Variants in SIPA1L1 observed in about 807,000 individuals in gnomAD.
The protein encoded by SIPA1L1 is signal induced proliferation associated 1 like 1.
SIPA1L1 carries 26 observed loss-of-function variants against 162.7 expected under a neutral mutation model. The observed-to-expected ratio is 0.16, with a 90% CI of 0.12 to 0.22. The LOEUF (loss-of-function observed/expected upper bound fraction) is 0.22. SIPA1L1 is among the 10% of genes least tolerant of loss of function. The pLI is 1.00. For synonymous variants in SIPA1L1, 829 were observed against 837.4 expected, an observed-to-expected ratio of 0.99 and a Z score of 0.17; for missense variants, 1,874 against 2,241.0, an observed-to-expected ratio of 0.84 and a Z score of 3.31.
intron 10 of SIPA1L1, among the ~76,000 whole-genome samples, chr14:71,669,270 T>C (rs1484540950): frequency 6.6e-6 from 1 of 152,204 alleles, no homozygotes; most frequent in Non-Finnish European, 1.5e-5. Flanking sequence ...AGGTTTTCAG[T>C]GTATGTTTGT....
At chr14:71,401,252 T>G (rs894947808) in intron 2 of SIPA1L1, among the ~76,000 whole-genome samples, 4 of 152,208 alleles carry the variant, frequency 2.6e-5, no homozygotes, top group Non-Finnish European at 4.4e-5. Context: ...GTGCTGTAGT[T>G]TCCAAGGGTG....
chr14:71,399,962 C>T (rs1302858774), intron 2 of SIPA1L1, among the ~76,000 whole-genome samples: 1 of 151,962 alleles, frequency 6.6e-6, no homozygotes, highest in Non-Finnish European at 1.5e-5. Flanking sequence ...CCCAAGTGAT[C>T]CACCCGCCTC....
chr14:71,358,195 G>A (rs2037456303), intron 2 of SIPA1L1, among the ~76,000 whole-genome samples: 1 of 152,180 alleles, frequency 6.6e-6, no homozygotes, highest in South Asian at 2.1e-4. Context: ...CAAATGAATA[G>A]TGGGACATTT....
intron 2 of SIPA1L1, among the ~76,000 whole-genome samples, chr14:71,445,863 T>C (rs1006900408): frequency 1.4e-4 from 21 of 152,198 alleles, no homozygotes; most frequent in African/African-American, 4.6e-4. Flanking sequence ...ATTTTATTTT[T>C]ATGGAGACAG....
At chr14:71,577,730 C>CTTTTT (rs5809525) in intron 4 of SIPA1L1, among the ~76,000 whole-genome samples, 10 of 97,142 alleles carry the variant, frequency 1.0e-4, no homozygotes, top group Non-Finnish European at 1.5e-4. Flanking sequence ...TTGGGCATGC[C>CTTTTT]TTTTTTTTTT....
At chr14:71,499,282 G>GT (rs1354292296) in intron 2 of SIPA1L1, among the ~76,000 whole-genome samples, 1 of 152,200 alleles carries the variant, frequency 6.6e-6, no homozygotes, top group Non-Finnish European at 1.5e-5. Flanking sequence ...GGTTGAGGCT[G>GT]TAGTGGGCTA....
intron 12 of SIPA1L1, among the ~76,000 whole-genome samples, chr14:71,681,722 T>C (rs539580147): frequency 9.8e-5 from 15 of 152,346 alleles, no homozygotes; most frequent in African/African-American, 3.6e-4. Flanking sequence ...ATAAAACTTT[T>C]CTGACTCGTG....
chr14:71,358,114 G>C (rs2037449645), intron 2 of SIPA1L1, among the ~76,000 whole-genome samples: 1 of 151,998 alleles, frequency 6.6e-6, no homozygotes, highest in South Asian at 2.1e-4. Context: ...TACCTGCCTG[G>C]ACCTCCCAAA....
intron 5 of SIPA1L1, among the ~76,000 whole-genome samples, chr14:71,595,453 A>G (rs1299339030): frequency 6.6e-6 from 1 of 152,174 alleles, no homozygotes; most frequent in African/African-American, 2.4e-5. Context: ...CCAGAACCAA[A>G]TTTGATGCTC....
chr14:71,675,832 G>C (rs1295992932), intron 12 of SIPA1L1, among the ~76,000 whole-genome samples: 1 of 152,096 alleles, frequency 6.6e-6, no homozygotes, highest in African/African-American at 2.4e-5. Context: ...AAGGGGGTGC[G>C]GGAGGTGATG....
rs186978267 is a variant in SIPA1L1, at chr14:71,438,089, C to T, written c.-464-74654C>T. The stretch of plus-strand genomic sequence containing the variant: ...GATGTGAAACCTTTTAGAAGTGGTT[C>T]ATAGCCCATGCTGTGCACTTTTAAT... On this transcript the variant is annotated intron_variant, in intron 2 of 23. Transcript: ENST00000381232. Among the ~76,000 whole-genome samples the T allele has an allele frequency of 1.8e-4, 28 of 152,298 alleles. No individual in the cohort carries two copies. The East Asian group carries it at 5.4e-3, about 29-fold the overall frequency.
intron 2 of SIPA1L1, among the ~76,000 whole-genome samples, chr14:71,504,814 C>CT (rs1015947225): frequency 2.0e-5 from 3 of 152,192 alleles, no homozygotes; most frequent in Admixed American, 2.0e-4. Context: ...GGACTTCTAC[C>CT]TTTTTTAGAA....
intron 12 of SIPA1L1, among the ~76,000 whole-genome samples, chr14:71,683,944 G>C (rs1354523917): frequency 6.6e-6 from 1 of 152,150 alleles, no homozygotes; most frequent in Non-Finnish European, 1.5e-5. Flanking sequence ...TATATATGGT[G>C]GTGCTGTGTC....
At chr14:71,583,402 G>A (rs891174986) in intron 4 of SIPA1L1, among the ~76,000 whole-genome samples, 2 of 152,176 alleles carry the variant, frequency 1.3e-5, no homozygotes, top group Admixed American at 6.5e-5. Flanking sequence ...GAGAGCTGGC[G>A]TTGTATTTTA....
intron 2 of SIPA1L1, among the ~76,000 whole-genome samples, chr14:71,423,437 T>C (rs2043332849): frequency 6.6e-6 from 1 of 152,220 alleles, no homozygotes. Context: ...TATGTTTTCC[T>C]GTGAGAGCTT....
At chr14:71,494,639 G>A (rs138484131) in intron 2 of SIPA1L1, among the ~76,000 whole-genome samples, 87 of 150,400 alleles carry the variant, frequency 5.8e-4, no homozygotes, top group Non-Finnish European at 1.0e-3. Context: ...CGATCCTCCC[G>A]CTTCAGCCTC....
intron 7 of SIPA1L1, among the ~76,000 whole-genome samples, chr14:71,636,419 TAAAA>T (rs1414334894): frequency 6.6e-6 from 1 of 151,886 alleles, no homozygotes; most frequent in Non-Finnish European, 1.5e-5. Flanking sequence ...ACTTGGAAAC[TAAAA>T]AAACAGATTT....
At chr14:71,392,100 C>T (rs2040808999) in intron 2 of SIPA1L1, among the ~76,000 whole-genome samples, 1 of 152,178 alleles carries the variant, frequency 6.6e-6, no homozygotes, top group Admixed American at 6.5e-5. Context: ...CTCAACTCTC[C>T]AAGCAAGAGG....
At chr14:71,364,800 C>CTGT (rs2038129934) in intron 2 of SIPA1L1, among the ~76,000 whole-genome samples, 1 of 150,500 alleles carries the variant, frequency 6.6e-6, no homozygotes, top group Non-Finnish European at 1.5e-5. Context: ...GGCTGGAGTG[C>CTGT]AGTAGTGCGA....
Sources: allele counts gnomAD v4.1 joint callset (sites outside exome capture counted in the v4.1 genomes callset), GRCh38; gene constraint gnomAD v4.1.1; transcripts MANE v1.5; gene names NCBI Gene and HGNC (gene_info 2026-07-23, HGNC 2026-07-21).